The following COX11 variants were observed in gnomAD, a reference collection of about 807,000 sequenced individuals.
The protein encoded by COX11 is cytochrome c oxidase copper chaperone COX11, also known as cytochrome c oxidase assembly protein COX11, mitochondrial.
In COX11, 18 loss-of-function variants were observed where a neutral mutation model predicts 29.4. The ratio of observed to expected loss-of-function variants is 0.61; its 90% CI spans 0.42 to 0.91. The LOEUF is 0.91. Among genes scored for constraint, COX11 ranks in the 40% least tolerant of loss-of-function variants. The pLI, the probability that COX11 is intolerant of heterozygous loss-of-function variation, is 0.00. For synonymous variants in COX11, 131 were observed against 124.0 expected (o/e 1.06, Z -0.38); for missense variants, 312 against 346.0 (o/e 0.90, Z 0.78).
At chr17:54,958,871 T>C (rs2077031901), downstream of COX11, among the ~76,000 whole-genome samples, 1 of 151,926 alleles carries the variant, frequency 6.6e-6, no homozygotes. Flanking sequence ...TGTTGAAGAA[T>C]AGGATCTGGC....
At position 54,964,765 on chromosome 17, in the gene COX11, T is replaced by C. The variant is rs1489817273; in HGVS notation, c.454A>G (p.Ile152Val). The part of the protein sequence containing the change: ...MVPVKDRIIK[I>V]SFNADVHASL... ...GCATGCACATCTGCATTAAAGCTAA[T>C]TTTAATGATTCGATCTTTAACAGGC... The change falls in exon 2 of 4, where the codon ATT becomes GTT. Residue 152 changes from isoleucine (I) to valine (V), a missense_variant. This residue lies in a region of COX11 where 182 missense variants were observed against 240.0 expected (regional missense o/e 0.76). Coordinates refer to ENST00000299335, the MANE Select transcript of COX11 (RefSeq NM_004375.5). 1.2e-6 allele frequency: 2 copies of C among 1,613,876 alleles called. No homozygotes were observed. Among genetic ancestry groups the C allele is most frequent in the Admixed American group, 3.3e-5 (2 of 60,028 alleles).
At chr17:54,955,532 AG>A (rs1388516535), downstream of COX11, among the ~76,000 whole-genome samples, 1 of 152,150 alleles carries the variant, frequency 6.6e-6, no homozygotes, top group African/African-American at 2.4e-5. Context: ...CCACAGACTA[AG>A]GGTAGAAGAA....
downstream of COX11, chr17:54,959,255 G>A (rs540743613): frequency 1.4e-3 from 219 of 152,238 alleles, no homozygotes; most frequent in African/African-American, 5.2e-3. Context: ...TTGCTATACT[G>A]TATATATGAA....
At chr17:54,968,151 C>G (rs2077299407) in intron 1 of COX11, 130 bp downstream of exon 1, 2 of 1,415,408 alleles carry the variant, frequency 1.4e-6, no homozygotes, top group Admixed American at 2.4e-5. Flanking sequence ...TTGAACCTCT[C>G]TCCTCTTAGG....
downstream of COX11, chr17:54,957,314 A>C (rs1388734270): frequency 1.3e-5 from 2 of 152,232 alleles, no homozygotes; most frequent in Non-Finnish European, 2.9e-5. Context: ...CTCAGGTTTG[A>C]GAAATTTCTC....
downstream of COX11, chr17:54,957,682 T>C (rs2076980012): frequency 6.6e-6 from 1 of 152,070 alleles, no homozygotes; most frequent in Non-Finnish European, 1.5e-5. Context: ...TGCAGGAAAT[T>C]ACTGGGTTTT....
At chr17:54,967,038 GCGCGCACACACA>G (rs2077236572) in intron 1 of COX11, among the ~76,000 whole-genome samples, 16 of 100,214 alleles carry the variant, frequency 1.6e-4, no homozygotes, top group African/African-American at 5.1e-4. Flanking sequence ...ACGTGCGCGC[GCGCGCACACACA>G]CACACACACA....
chr17:54,965,915 T>C (rs750356082), intron 1 of COX11, among the ~76,000 whole-genome samples: 7 of 152,098 alleles, frequency 4.6e-5, no homozygotes, highest in Non-Finnish European at 7.4e-5. Context: ...TCTGGATAAT[T>C]TGCCTGTTAC....
intron 2 of COX11, among the ~76,000 whole-genome samples, chr17:54,964,166 T>C (rs1212345835): frequency 6.6e-6 from 1 of 152,190 alleles, no homozygotes; most frequent in Non-Finnish European, 1.5e-5. Flanking sequence ...TTCTTACAGT[T>C]GGTTAAAATT....
chr17:54,968,334 C>A lies in COX11; in HGVS notation c.313G>T (p.Gly105Cys), dbSNP rs983353858. ...TLTYVAAVAV[G>C]MLGASYAAVP... Reference sequence around the variant, plus strand: ...GCAGCGTAGGACGCCCCCAGCATGCCCACGGCGACAGCGGCCACGTAAGTG... The same window carrying A: ...GCAGCGTAGGACGCCCCCAGCATGCACACGGCGACAGCGGCCACGTAAGTG... Residue 105 changes from glycine (G) to cysteine (C), a missense_variant, in exon 1 of 4, where the codon GGC becomes TGC. Transcript: ENST00000299335. 3 of 1,612,826 alleles carry A rather than the reference C, an allele frequency of 1.9e-6. No individual in the cohort carries two copies. The African/African-American group carries it at 4.0e-5, about 22-fold the overall frequency.
chr17:54,961,096 C>T lies in COX11; in HGVS notation c.*1637G>A, dbSNP rs1598100560. On this transcript the variant is annotated 3_prime_UTR_variant, in exon 4 of 4. Transcript: ENST00000299335. ...TTATTTATTCCCCTTATACCCTCCCCTATGGAAGAAGCACATTCTTACCTT... is the reference window on the plus strand; with the variant it reads ...TTATTTATTCCCCTTATACCCTCCCTTATGGAAGAAGCACATTCTTACCTT... 1.5e-6 allele frequency: 1 copy of T among 683,060 alleles called. No individual in the cohort carries two copies. The highest frequency in any genetic ancestry group is 1.8e-5 in the African/African-American group (1 of 55,214). 42.3% of individuals were successfully genotyped at this position (683,060 alleles called of 1,614,324 possible). A position where few individuals can be genotyped will look rare whatever the true frequency, so the allele number is the denominator to read the frequency against.
chr17:54,959,928 T>A (rs552772175), downstream of COX11, among the ~76,000 whole-genome samples: 5 of 152,246 alleles, frequency 3.3e-5, no homozygotes, highest in African/African-American at 9.6e-5. Flanking sequence ...AATATTTTTT[T>A]AAAAAGTTTG....
exon 1 of COX11, chr17:54,952,305 G>C (rs1440464367): frequency 6.6e-6 from 1 of 152,090 alleles, no homozygotes; most frequent in Non-Finnish European, 1.5e-5. Flanking sequence ...TGTAATCCCA[G>C]CACTTTGCGA....
Position 54,968,322 on chromosome 17 carries a change from C to A in COX11, c.325G>T (p.Ala109Ser). The A allele has an allele frequency of 6.2e-7, 1 of 1,612,816 alleles. No homozygotes were observed. The highest frequency in any genetic ancestry group is 8.5e-7 in the Non-Finnish European group (1 of 1,179,886). The change falls in exon 1 of 4, where the codon GCG (alanine) becomes TCG (serine). Residue 109 changes from alanine to serine, a missense_variant. Physicochemically the swap from Ala to Ser is moderately conservative, Grantham distance 99. Around this residue, in one of 2 missense-constraint regions of COX11, gnomAD observed 182 missense variants for 240.0 expected, o/e 0.76. Transcript: ENST00000299335. Reference protein sequence around the residue: ...VAAVAVGMLGASYAAVPLYRL... With the variant: ...VAAVAVGMLGSSYAAVPLYRL... ...TAAAGGGGTACGGCAGCGTAGGACG[C>A]CCCCAGCATGCCCACGGCGACAGCG...
chr17:54,962,992 T>C lies in COX11; in HGVS notation c.649-77A>G, dbSNP rs1196814639. The C allele has an allele frequency of 6.2e-6, 8 of 1,293,282 alleles. No individual in the cohort carries two copies. In the East Asian group the frequency reaches 1.9e-4, roughly 31 times the overall value. 80.1% of individuals were successfully genotyped at this position (1,293,282 alleles called of 1,614,324 possible). A position where few individuals can be genotyped will look rare whatever the true frequency, so the allele number is the denominator to read the frequency against. On this transcript the variant is annotated intron_variant, in intron 3 of 3. Transcript: ENST00000299335. Reference sequence around the variant, plus strand: ...CAGAAACTATACAGTTCTTTTATCTTAGCATTCCAGTACACTTCGTGATTT... The same window carrying C: ...CAGAAACTATACAGTTCTTTTATCTCAGCATTCCAGTACACTTCGTGATTT...
At chr17:54,964,537 CT>C (rs869119859) in intron 2 of COX11, 159 bp downstream of exon 2, 2 of 406,650 alleles carry the variant, frequency 4.9e-6, no homozygotes, top group Non-Finnish European at 4.5e-6. Flanking sequence ...TATACTTTAA[CT>C]TTTAAGTTAC....
exon 1 of COX11, chr17:54,953,352 C>G (rs898656650): frequency 2.6e-5 from 4 of 152,392 alleles, no homozygotes; most frequent in Non-Finnish European, 5.9e-5. Flanking sequence ...CTGGGTAACA[C>G]AGACCCTGTC....
chr17:54,967,853 C>A (rs773319963), intron 1 of COX11, among the ~76,000 whole-genome samples: 12 of 152,114 alleles, frequency 7.9e-5, no homozygotes, highest in East Asian at 1.9e-4. Context: ...CCAAGAAACA[C>A]GAGTAGTCCA....
downstream of COX11, among the ~76,000 whole-genome samples, chr17:54,960,262 G>T (rs1053983205): frequency 1.3e-5 from 2 of 152,106 alleles, 1 homozygote; most frequent in African/African-American, 4.8e-5. Flanking sequence ...CTACTCGTGG[G>T]GCTGAGGCAG....
Sources: gnomAD v4.1 joint callset for allele counts (sites outside exome capture counted in the v4.1 genomes callset) on GRCh38, gnomAD v4.1.1 for gene constraint, gnomAD v4.1.1 regional missense constraint, MANE v1.5 for transcripts, NCBI Gene and HGNC (gene_info 2026-07-23, HGNC 2026-07-21) for gene names.